The following ZSWIM5 variants were observed in gnomAD, a reference collection of about 807,000 sequenced individuals.
The protein encoded by ZSWIM5 is zinc finger SWIM domain-containing protein 5.
In ZSWIM5, 55 loss-of-function variants were observed where a neutral mutation model predicts 119.6. The ratio of observed to expected loss-of-function variants is 0.46; its 90% confidence interval spans 0.37 to 0.58. The LOEUF is 0.58. ZSWIM5 is among the 20% of genes least tolerant of loss of function. The pLI, the probability that ZSWIM5 is intolerant of heterozygous loss-of-function variation, is 0.00. For missense variants in ZSWIM5, 1,193 were observed against 1,512.8 expected, an observed-to-expected ratio of 0.79 and a Z score of 3.51; for synonymous variants, 537 against 606.9, an observed-to-expected ratio of 0.88 and a Z score of 1.69.
At chr1:45,127,587 T>C (rs1255897848) in intron 1 of ZSWIM5, among the ~76,000 whole-genome samples, 1 of 151,780 alleles carries the variant, frequency 6.6e-6, no homozygotes, top group Non-Finnish European at 1.5e-5. Flanking sequence ...CACACCACGA[T>C]GCCAGGCTAA....
At chr1:45,195,256 A>T (rs1215778759) in intron 1 of ZSWIM5, among the ~76,000 whole-genome samples, 2 of 152,112 alleles carry the variant, frequency 1.3e-5, no homozygotes, top group African/African-American at 4.8e-5. Context: ...TGTTTTTGAG[A>T]CAGGGTCTTG....
rs1645891476 is a variant in ZSWIM5, at chr1:45,164,970, T to A, written c.595+40786A>T. Among the ~76,000 whole-genome samples the A allele has an allele frequency of 2.0e-5, 3 of 152,030 alleles. No individual in the cohort carries two copies. The South Asian group carries it at 6.2e-4, about 32-fold the overall frequency. On this transcript the variant is annotated intron_variant, in intron 1 of 13. Coordinates refer to ENST00000359600, the MANE Select transcript of ZSWIM5 (RefSeq NM_020883.2). Reference sequence around the variant, plus strand: ...TCAGCTCTGCACCAAGCAGACCTAATAGACATCTACAGAACTCTCCACCCC... The same window carrying A: ...TCAGCTCTGCACCAAGCAGACCTAAAAGACATCTACAGAACTCTCCACCCC...
chr1:45,027,189 T>G (rs1331811087), intron 11 of ZSWIM5, among the ~76,000 whole-genome samples: 2 of 151,844 alleles, frequency 1.3e-5, no homozygotes, highest in African/African-American at 4.8e-5. Context: ...GATTTTTGCC[T>G]ACTGTTTCTA....
chr1:45,084,205 T>C lies in ZSWIM5; in HGVS notation c.952+3676A>G, dbSNP rs536766628. 1.1e-4 allele frequency among the ~76,000 whole-genome samples: 16 copies of C among 152,278 alleles called. 1 individual carries two copies. In the East Asian group the frequency reaches 3.1e-3, roughly 29 times the overall value. ...GATTACAGGTGTGAGCCTCTGCGCC[T>C]GGCCTACACACTTTTAAATAACCAG... On this transcript the variant is annotated intron_variant, in intron 2 of 13. Transcript: ENST00000359600.
intron 2 of ZSWIM5, among the ~76,000 whole-genome samples, chr1:45,085,340 T>C (rs965485674): frequency 2.0e-5 from 3 of 152,156 alleles, no homozygotes; most frequent in African/African-American, 7.2e-5. Flanking sequence ...CATGAAGGTG[T>C]CTGAAATGCT....
chr1:45,176,554 C>T lies in ZSWIM5; in HGVS notation c.595+29202G>A, dbSNP rs546281545. 5.3e-5 allele frequency among the ~76,000 whole-genome samples: 8 copies of T among 152,240 alleles called. No homozygotes were observed. In the South Asian group the frequency reaches 6.2e-4, roughly 12 times the overall value. On this transcript the variant is annotated intron_variant, in intron 1 of 13. Coordinates refer to ENST00000359600, the MANE Select transcript of ZSWIM5 (RefSeq NM_020883.2). ...TGTTGGGATTACAGGCATGAGCCACCGCGCCCGGCCTGGTCTACATTTTAG... is the reference window on the plus strand; with the variant it reads ...TGTTGGGATTACAGGCATGAGCCACTGCGCCCGGCCTGGTCTACATTTTAG...
At chr1:45,181,838 A>G (rs1646021752) in intron 1 of ZSWIM5, among the ~76,000 whole-genome samples, 1 of 152,150 alleles carries the variant, frequency 6.6e-6, no homozygotes, top group East Asian at 1.9e-4. Context: ...ACTAAGCTTC[A>G]TAAGTGAAGG....
rs57755658 is a variant in ZSWIM5, at chr1:45,076,027, G to A, written c.952+11854C>T. ...AATAAAAACTCTACAACTTAACTTC[G>A]TGCCCCTGCTTCTTAACTTTTTGTT... On this transcript the variant is annotated intron_variant, in intron 2 of 13. Transcript: ENST00000359600. Among the ~76,000 whole-genome samples the A allele has an allele frequency of 5.6e-3, 854 of 151,918 alleles. 9 individuals carry two copies. The highest frequency in any genetic ancestry group is 0.016 in the African/African-American group (665 of 41,460).
In ZSWIM5 at chr1:45,206,481, G is replaced by C. The variant is rs1646193194; in HGVS notation, c.-131C>G. On this transcript the variant is annotated 5_prime_UTR_variant, in exon 1 of 14. Transcript: ENST00000359600. ...AGGGGGGCGGGGCGAGAGAACCCGC[G>C]AGCCAGCCGGCCCGAGTGGGGAACC... 1 of 1,176,936 alleles carries C rather than the reference G, an allele frequency of 8.5e-7. No individual in the cohort carries two copies. The highest frequency in any genetic ancestry group is 1.0e-6 in the Non-Finnish European group (1 of 953,472). The allele number at this position is 1,176,936 out of a possible 1,614,324, so 72.9% of individuals were successfully genotyped here.
intron 1 of ZSWIM5, among the ~76,000 whole-genome samples, chr1:45,104,801 C>T (rs1645459992): frequency 6.6e-6 from 1 of 152,210 alleles, no homozygotes; most frequent in Admixed American, 6.5e-5. Context: ...CTGTATTAAC[C>T]TCCGAAGAAC....
chr1:45,174,716 G>A (rs1645968985), intron 1 of ZSWIM5, among the ~76,000 whole-genome samples: 1 of 151,916 alleles, frequency 6.6e-6, no homozygotes, highest in Non-Finnish European at 1.5e-5. Context: ...CTACAGCCTG[G>A]GCCACAGAGC....
Position 45,021,566 on chromosome 1 carries a change from A to G in ZSWIM5, c.2450-778T>C, listed in dbSNP as rs994683477. On this transcript the variant is annotated intron_variant, in intron 11 of 13. Transcript: ENST00000359600. The stretch of plus-strand genomic sequence containing the variant: ...GCAGTAGTGTATGAAAGACTGTTAT[A>G]TCTTATAAAGGACAAATACATTAAG... Among the ~76,000 whole-genome samples the G allele has an allele frequency of 2.6e-5, 4 of 152,366 alleles. No homozygotes were observed. In the East Asian group the frequency reaches 7.7e-4, roughly 29 times the overall value.
Position 45,204,929 on chromosome 1 carries a change from A to T in ZSWIM5, c.595+827T>A, listed in dbSNP as rs1570220192. On this transcript the variant is annotated intron_variant, in intron 1 of 13. Transcript: ENST00000359600. Reference sequence around the variant, plus strand: ...GCACTGTATTTATATATTTAATAAGATTAACAAACTGACTAGAAGCTCCGG... The same window carrying T: ...GCACTGTATTTATATATTTAATAAGTTTAACAAACTGACTAGAAGCTCCGG... Among the ~76,000 whole-genome samples the T allele has an allele frequency of 2.6e-5, 4 of 152,184 alleles. No individual in the cohort carries two copies. The South Asian group carries it at 6.2e-4, about 24-fold the overall frequency.
intron 2 of ZSWIM5, among the ~76,000 whole-genome samples, chr1:45,060,952 T>C (rs113197754): frequency 0.019 from 2,836 of 152,272 alleles, 93 homozygotes; most frequent in African/African-American, 0.065. Flanking sequence ...ACTGGGATTA[T>C]AGGCCAAAAA....
intron 1 of ZSWIM5, among the ~76,000 whole-genome samples, chr1:45,114,115 G>A (rs1645533138): frequency 6.6e-6 from 1 of 152,156 alleles, no homozygotes; most frequent in Non-Finnish European, 1.5e-5. Context: ...AATATAATGT[G>A]CAAGTCCAAA....
chr1:45,112,161 C>A (rs1255111282), intron 1 of ZSWIM5, among the ~76,000 whole-genome samples: 1 of 152,146 alleles, frequency 6.6e-6, no homozygotes, highest in African/African-American at 2.4e-5. Context: ...TCTTCATGGC[C>A]CTGGCTCCCT....
intron 2 of ZSWIM5, among the ~76,000 whole-genome samples, chr1:45,066,861 G>A (rs922074299): frequency 6.6e-6 from 1 of 152,132 alleles, no homozygotes; most frequent in African/African-American, 2.4e-5. Context: ...ATTTAATAGG[G>A]AGAAGTAGAA....
chr1:45,192,493 T>C (rs1436478904), intron 1 of ZSWIM5, among the ~76,000 whole-genome samples: 4 of 152,196 alleles, frequency 2.6e-5, no homozygotes, highest in African/African-American at 7.2e-5. Flanking sequence ...TTCCTGTAGA[T>C]AGAAAGACAG....
chr1:45,160,101 G>A (rs1056089818), intron 1 of ZSWIM5, among the ~76,000 whole-genome samples: 1 of 151,824 alleles, frequency 6.6e-6, no homozygotes, highest in South Asian at 2.1e-4. Context: ...AATAGAAAAG[G>A]GTCCTGAAAC....
Sources: allele counts gnomAD v4.1 joint callset (sites outside exome capture counted in the v4.1 genomes callset), GRCh38; gene constraint gnomAD v4.1.1; transcripts MANE v1.5; gene names NCBI Gene and HGNC (gene_info 2026-07-23, HGNC 2026-07-21).